The following PRKAR1B variants were observed in gnomAD, a reference collection of about 807,000 sequenced individuals.
PRKAR1B encodes cAMP-dependent protein kinase type I-beta regulatory subunit.
In PRKAR1B, 22 loss-of-function variants were observed where a neutral mutation model predicts 46.5. The observed-to-expected ratio is 0.47, with a 90% CI of 0.34 to 0.68. The LOEUF is 0.68. Among genes scored for constraint, PRKAR1B ranks in the 30% least tolerant of loss-of-function variants. The probability of loss-of-function intolerance (pLI) is 0.01; values close to 1 mark genes in which losing one functional copy is unlikely to be tolerated. For synonymous variants in PRKAR1B, 259 were observed against 217.7 expected (o/e 1.19, Z -1.67); for missense variants, 445 against 535.6 (o/e 0.83, Z 1.67).
intron 9 of PRKAR1B, among the ~76,000 whole-genome samples, chr7:563,398 T>C (rs1422706951): frequency 6.6e-6 from 1 of 152,266 alleles, no homozygotes; most frequent in Non-Finnish European, 1.5e-5. Context: ...GGGGTGCCAC[T>C]GCTGAGAGCC....
chr7:649,836 G>A (rs1292639823), intron 4 of PRKAR1B, among the ~76,000 whole-genome samples: 1 of 151,868 alleles, frequency 6.6e-6, no homozygotes, highest in African/African-American at 2.4e-5. Context: ...GAGTAGCTGG[G>A]ACCACAGGCA....
chr7:637,327 G>C (rs1784168337), intron 4 of PRKAR1B, among the ~76,000 whole-genome samples: 1 of 152,134 alleles, frequency 6.6e-6, no homozygotes, highest in South Asian at 2.1e-4. Flanking sequence ...TGAGGCGGGA[G>C]AATCGCTTGA....
intron 1 of PRKAR1B, among the ~76,000 whole-genome samples, chr7:715,259 G>A (rs953921531): frequency 6.6e-6 from 1 of 152,164 alleles, no homozygotes; most frequent in South Asian, 2.1e-4. Context: ...CGCCACTGAG[G>A]ACATCCAAGT....
chr7:571,970 C>A (rs1474430595), intron 9 of PRKAR1B, among the ~76,000 whole-genome samples: 2 of 152,246 alleles, frequency 1.3e-5, no homozygotes, highest in Admixed American at 1.3e-4. Flanking sequence ...CCGCCGGAGG[C>A]AGGGCACAGA....
chr7:579,493 G>T, intron 8 of PRKAR1B, 116 bp from the exon 9 acceptor site: 1 of 1,312,960 alleles, frequency 7.6e-7, no homozygotes, highest in Non-Finnish European at 1.0e-6. Context: ...CACAACACCA[G>T]CTCCGTGACC....
chr7:685,328 G>T (rs1399080623), intron 2 of PRKAR1B, among the ~76,000 whole-genome samples: 1 of 48,290 alleles, frequency 2.1e-5, no homozygotes, highest in East Asian at 6.0e-4. Flanking sequence ...GTATATATAC[G>T]TATATATACG....
At chr7:689,935 C>T (rs1779319310) in intron 2 of PRKAR1B, among the ~76,000 whole-genome samples, 1 of 151,512 alleles carries the variant, frequency 6.6e-6, no homozygotes, top group Admixed American at 6.6e-5. Context: ...CCCGCCTCGG[C>T]CTCCCAAAGT....
chr7:580,230 CAAAA>C (rs1325090684), intron 8 of PRKAR1B, among the ~76,000 whole-genome samples: 3 of 104,848 alleles, frequency 2.9e-5, no homozygotes, highest in Non-Finnish European at 3.8e-5. Flanking sequence ...CACCCTGTCT[CAAAA>C]AAAAAAAAAA....
At chr7:563,577 GGTGT>G (rs202128190) in intron 9 of PRKAR1B, among the ~76,000 whole-genome samples, 20 of 152,062 alleles carry the variant, frequency 1.3e-4, no homozygotes, top group African/African-American at 3.6e-4. Flanking sequence ...TGCGTGCACA[GGTGT>G]GTGTATGGGT....
intron 8 of PRKAR1B, among the ~76,000 whole-genome samples, chr7:583,463 A>C (rs1389415141): frequency 7.0e-6 from 1 of 143,246 alleles, no homozygotes; most frequent in South Asian, 2.3e-4. Flanking sequence ...CCACTCACAC[A>C]CGTGCACTCA....
intron 4 of PRKAR1B, among the ~76,000 whole-genome samples, chr7:623,059 C>T (rs1265944294): frequency 6.6e-6 from 1 of 152,202 alleles, no homozygotes; most frequent in Admixed American, 6.5e-5. Flanking sequence ...TGTCCCAGCC[C>T]AAGACCCAGG....
intron 4 of PRKAR1B, among the ~76,000 whole-genome samples, chr7:675,389 G>GT (rs1030024771): frequency 1.3e-5 from 2 of 152,138 alleles, no homozygotes; most frequent in African/African-American, 4.8e-5. Flanking sequence ...CCACCACACC[G>GT]TTGCCCTCCG....
intron 9 of PRKAR1B, among the ~76,000 whole-genome samples, chr7:570,329 G>A (rs1264811045): frequency 2.6e-5 from 4 of 152,210 alleles, no homozygotes; most frequent in African/African-American, 9.7e-5. Context: ...GTGGTGTCCA[G>A]GCAGAATGTT....
intron 7 of PRKAR1B, among the ~76,000 whole-genome samples, chr7:595,784 C>T (rs945893305): frequency 3.3e-5 from 5 of 152,218 alleles, no homozygotes; most frequent in African/African-American, 4.8e-5. Context: ...GAGCAGCCAC[C>T]GTGTCGGCAG....
chr7:662,846 C>T (rs941998039), intron 4 of PRKAR1B, among the ~76,000 whole-genome samples: 2 of 152,228 alleles, frequency 1.3e-5, no homozygotes, highest in Admixed American at 1.3e-4. Flanking sequence ...CAAAGCTCCC[C>T]CCACCACCTG....
At chr7:557,648 C>T (rs577165268) in intron 9 of PRKAR1B, among the ~76,000 whole-genome samples, 1 of 152,304 alleles carries the variant, frequency 6.6e-6, no homozygotes, top group African/African-American at 2.4e-5. Context: ...TGGGCGGCCG[C>T]CGCAACCACC....
intron 3 of PRKAR1B, among the ~76,000 whole-genome samples, 195 bp downstream of exon 3, chr7:680,361 C>T (rs763143036): frequency 4.6e-5 from 7 of 152,134 alleles, no homozygotes; most frequent in Non-Finnish European, 8.8e-5. Context: ...GAGCTCAGCT[C>T]ATCTGGCAAA....
intron 9 of PRKAR1B, among the ~76,000 whole-genome samples, chr7:555,744 C>T (rs1486362176): frequency 4.6e-5 from 7 of 152,194 alleles, no homozygotes; most frequent in African/African-American, 1.7e-4. Flanking sequence ...CAAGGCCACA[C>T]AGTCAGAGTC....
intron 1 of PRKAR1B, 49 bp downstream of exon 1, chr7:727,161 G>T: frequency 7.7e-7 from 1 of 1,295,884 alleles, no homozygotes; most frequent in Non-Finnish European, 9.8e-7. Context: ...CGCTTGTGCA[G>T]CTGCTGGGCC....
Sources: allele counts gnomAD v4.1 joint callset (sites outside exome capture counted in the v4.1 genomes callset), GRCh38; gene constraint gnomAD v4.1.1; transcripts MANE v1.5; gene names NCBI Gene and HGNC (gene_info 2026-07-23, HGNC 2026-07-21).